The following MYOM1 variants were observed in gnomAD, a reference collection of about 807,000 sequenced individuals.
MYOM1 encodes myomesin 1, also known as myomesin-1.
A neutral mutation model predicts 205.3 loss-of-function variants in MYOM1; 164 were observed. The ratio of observed to expected loss-of-function variants is 0.80; its 90% CI spans 0.70 to 0.91. The LOEUF (loss-of-function observed/expected upper bound fraction) is 0.91. Ranked by LOEUF, MYOM1 falls within the 40% of genes least tolerant of loss-of-function variation. The pLI is 0.00. For synonymous variants in MYOM1, 772 were observed against 789.4 expected (o/e 0.98, Z 0.37); for missense variants, 2,011 against 2,127.3 (o/e 0.95, Z 1.08).
chr18:3,191,211 T>C (rs915045635), intron 3 of MYOM1, among the ~76,000 whole-genome samples: 1 of 152,206 alleles, frequency 6.6e-6, no homozygotes, highest in African/African-American at 2.4e-5. Flanking sequence ...ACAGTCTCAA[T>C]TCAAAAATCT....
chr18:3,245,178 G>A, the MYOM1 span, among the ~76,000 whole-genome samples: 1 of 152,184 alleles, frequency 6.6e-6, no homozygotes, highest in African/African-American at 2.4e-5. Context: ...ACTAATAACA[G>A]AATTGAAAAG....
At chr18:3,083,017 C>A (rs1482595734) in intron 33 of MYOM1, among the ~76,000 whole-genome samples, 1 of 152,182 alleles carries the variant, frequency 6.6e-6, no homozygotes, top group African/African-American at 2.4e-5. Flanking sequence ...TCCTGGTGCA[C>A]ACTGCTTCAT....
intron 29 of MYOM1, among the ~76,000 whole-genome samples, chr18:3,088,601 C>T (rs1353039651): frequency 1.3e-5 from 2 of 152,196 alleles, no homozygotes; most frequent in Admixed American, 1.3e-4. Flanking sequence ...TTACCCAAAA[C>T]ATTTCTGATG....
rs1187222645 is a variant in MYOM1 at position 3,190,157 on chromosome 18, T to C, written c.432-1070A>G. Among the ~76,000 whole-genome samples the C allele has an allele frequency of 4.6e-5, 7 of 152,240 alleles. No individual in the cohort carries two copies. The South Asian group carries it at 1.2e-3, about 27-fold the overall frequency. On this transcript the variant is annotated intron_variant, in intron 3 of 37. Transcript: ENST00000356443. ...CAATGCCTACTGTGGCAGTTTATGA[T>C]AGAATCTGTGCTGTGATTTATTCAT...
chr18:3,246,858 G>C, the MYOM1 span: 1 of 152,378 alleles, frequency 6.6e-6, no homozygotes, highest in East Asian at 1.9e-4. Context: ...GCCAGAACAA[G>C]TCTTCCTTAT....
chr18:3,131,509 C>G lies in MYOM1; in HGVS notation c.2385-13G>C, dbSNP rs116126674. The G allele has an allele frequency of 1.9e-6, 3 of 1,605,712 alleles. No homozygotes were observed. The African/African-American group carries it at 4.0e-5, about 22-fold the overall frequency. On this transcript the variant is annotated splice_polypyrimidine_tract_variant and intron_variant, in intron 16 of 37. Coordinates refer to ENST00000356443, the MANE Select transcript of MYOM1 (RefSeq NM_003803.4). ...ATGACAAGTGAATCTAAAAGGAAAA[C>G]AAGTTTTAAAAAATTTTCCTAGGAG...
chr18:3,108,563 A>G (rs934093904), intron 22 of MYOM1, among the ~76,000 whole-genome samples: 1 of 149,362 alleles, frequency 6.7e-6, no homozygotes, highest in Admixed American at 6.6e-5. Context: ...TTTTTTTTCG[A>G]GATGGAGTCT....
intron 14 of MYOM1, among the ~76,000 whole-genome samples, chr18:3,140,717 G>A (rs2080035844): frequency 6.6e-6 from 1 of 152,076 alleles, no homozygotes; most frequent in Admixed American, 6.5e-5. Flanking sequence ...GACCTAATAG[G>A]TGTTACAAAA....
chr18:3,116,268 C>CTT (rs2079603319), intron 21 of MYOM1, 63 bp downstream of exon 21: 1 of 1,521,580 alleles, frequency 6.6e-7, no homozygotes, highest in Non-Finnish European at 9.0e-7. Flanking sequence ...ATCTTGCTAA[C>CTT]TTTAAAGTTC....
At chr18:3,194,855 A>C (rs2080971458) in intron 2 of MYOM1, among the ~76,000 whole-genome samples, 1 of 151,918 alleles carries the variant, frequency 6.6e-6, no homozygotes, top group Admixed American at 6.6e-5. Flanking sequence ...AGGGATCTGT[A>C]TGGGAACCCT....
rs188252285 is a variant in MYOM1, at chr18:3,195,061, A to T, written c.291-1103T>A. ...ACCATCCAAACCTTGACCATTTCCT[A>T]ATCTTGGAAAATCATTTGAAAAAGC... On this transcript the variant is annotated intron_variant, in intron 2 of 37. Transcript: ENST00000356443. Among the ~76,000 whole-genome samples the T allele has an allele frequency of 2.7e-3, 410 of 152,306 alleles. 10 individuals are homozygous for T. The highest frequency in any genetic ancestry group is 7.7e-4 in the East Asian group (4 of 5,190).
rs143985807 is a variant in MYOM1, at chr18:3,133,386, G to A, written c.2384+1264C>T. 4.6e-3 allele frequency among the ~76,000 whole-genome samples: 707 copies of A among 152,228 alleles called. 1 individual carries two copies. The highest frequency in any genetic ancestry group is 0.015 in the African/African-American group (642 of 41,516). On this transcript the variant is annotated intron_variant, in intron 16 of 37. Coordinates refer to ENST00000356443, the MANE Select transcript of MYOM1 (RefSeq NM_003803.4). ...CCCCTCTCATACTGGTCTCTGGTCT[G>A]GGTGCAGATCAGAATTCACCATCAA...
At chr18:3,163,866 T>G (rs2080431435) in intron 10 of MYOM1, among the ~76,000 whole-genome samples, 1 of 150,096 alleles carries the variant, frequency 6.7e-6, no homozygotes, top group Non-Finnish European at 1.5e-5. Flanking sequence ...TTTGTTTTGT[T>G]TTTTGAGACG....
intron 6 of MYOM1, 56 bp downstream of exon 6, chr18:3,175,986 G>T: frequency 9.2e-7 from 1 of 1,085,704 alleles, no homozygotes; most frequent in Non-Finnish European, 1.4e-6. Flanking sequence ...AACTGCAGGG[G>T]TGAGAAGCCT....
chr18:3,101,432 C>A (rs965526072), intron 23 of MYOM1, among the ~76,000 whole-genome samples: 1 of 152,168 alleles, frequency 6.6e-6, no homozygotes, highest in Non-Finnish European at 1.5e-5. Context: ...TCATACAATT[C>A]CTCCATTCTC....
intron 18 of MYOM1, 67 bp from the exon 19 acceptor site, chr18:3,126,964 C>G: frequency 7.1e-7 from 1 of 1,407,556 alleles, no homozygotes; most frequent in Non-Finnish European, 9.8e-7. Context: ...TAAACATTTC[C>G]ATGGGTGCCA....
intron 16 of MYOM1, among the ~76,000 whole-genome samples, chr18:3,133,785 C>A (rs561564717): frequency 3.9e-5 from 6 of 152,064 alleles, no homozygotes; most frequent in South Asian, 4.2e-4. Flanking sequence ...CATAAGTGAA[C>A]CTTTTAAAAA....
chr18:3,095,492 T>C (rs1370011728), intron 25 of MYOM1, among the ~76,000 whole-genome samples: 2 of 152,098 alleles, frequency 1.3e-5, no homozygotes, highest in African/African-American at 2.4e-5. Flanking sequence ...TGCTTGAACC[T>C]GGGAGGCGGA....
chr18:3,184,939 A>G (rs2080789914), intron 5 of MYOM1, among the ~76,000 whole-genome samples: 1 of 152,214 alleles, frequency 6.6e-6, no homozygotes, highest in African/African-American at 2.4e-5. Flanking sequence ...GGATGCAGAT[A>G]TTTCAAAGCC....
Sources: allele counts gnomAD v4.1 joint callset (sites outside exome capture counted in the v4.1 genomes callset), GRCh38; gene constraint gnomAD v4.1.1; transcripts MANE v1.5; gene names NCBI Gene and HGNC (gene_info 2026-07-23, HGNC 2026-07-21).